The following PHF21A variants were observed in gnomAD, a reference collection of about 807,000 sequenced individuals.
The protein encoded by PHF21A is BHC80a.
A neutral mutation model predicts 82.5 loss-of-function variants in PHF21A; 11 were observed. The observed-to-expected ratio is 0.13, with a 90% CI of 0.08 to 0.22. The LOEUF (loss-of-function observed/expected upper bound fraction) is 0.22. PHF21A is among the 10% of genes least tolerant of loss of function. The probability of loss-of-function intolerance (pLI) is 1.00; values close to 1 mark genes in which losing one functional copy is unlikely to be tolerated. For missense variants in PHF21A, 579 were observed against 837.8 expected (o/e 0.69, Z 3.81); for synonymous variants, 297 against 302.8 (o/e 0.98, Z 0.20).
intron 6 of PHF21A, among the ~76,000 whole-genome samples, chr11:45,984,033 T>C (rs1403164102): frequency 6.6e-6 from 1 of 152,186 alleles, no homozygotes; most frequent in African/African-American, 2.4e-5. Context: ...TCACATATAA[T>C]GGAGATCTTT....
Position 45,936,504 on chromosome 11 carries a change from G to A in PHF21A, c.1674C>T (p.Ala558=). Residue 558 remains alanine (A), a synonymous_variant, in exon 17 of 19, where the codon GCC becomes GCT. Transcript: ENST00000676320. ...GTLAIVHSYI[A]YKAAKEEEKQ... The stretch of plus-strand genomic sequence containing the variant: ...TGGATAACTCCTTACCTGCTTTGTA[G>A]GCAATATAGGAATGAACAATTGCTA... 6.2e-7 allele frequency: 1 copy of A among 1,607,650 alleles called. No homozygotes were observed. Among genetic ancestry groups the A allele is most frequent in the Non-Finnish European group, 8.5e-7 (1 of 1,174,452 alleles).
In PHF21A at chr11:45,953,567, G is replaced by A; in HGVS notation, c.1055C>T (p.Pro352Leu). ...CCGTTTTGGTTTGGGTGCAGCAGGT[G>A]GGGTGATGGTGCGGCTCTCTGTTTG... is the stretch of plus-strand genomic sequence containing the variant. Reference protein sequence around the residue: ...EKQTESRTITPPAAPKPKREE... With the variant: ...EKQTESRTITLPAAPKPKREE... The change falls in exon 11 of 19, where the codon CCA becomes CTA. Residue 352 changes from proline to leucine, a missense_variant. Around this residue, in one of 3 missense-constraint regions of PHF21A, gnomAD observed 410 missense variants for 642.1 expected, o/e 0.64. Transcript: ENST00000676320. 10 of 1,613,906 alleles carry A rather than the reference G, an allele frequency of 6.2e-6. No homozygotes were observed. Among genetic ancestry groups the A allele is most frequent in the South Asian group, 1.1e-5 (1 of 91,068 alleles).
intron 11 of PHF21A, among the ~76,000 whole-genome samples, chr11:45,953,050 T>C (rs1050820812): frequency 4.6e-5 from 7 of 152,230 alleles, no homozygotes; most frequent in African/African-American, 1.7e-4. Flanking sequence ...AGCTACTGAT[T>C]CATTTGGGGT....
chr11:46,105,478 C>A (rs1261195783), intron 1 of PHF21A, among the ~76,000 whole-genome samples: 1 of 152,068 alleles, frequency 6.6e-6, no homozygotes, highest in African/African-American at 2.4e-5. Context: ...ACACTCAGAC[C>A]CACACTAACC....
intron 6 of PHF21A, among the ~76,000 whole-genome samples, chr11:46,020,680 G>C (rs1231382276): frequency 1.3e-5 from 2 of 151,898 alleles, no homozygotes; most frequent in Non-Finnish European, 2.9e-5. Flanking sequence ...TTATCTTTTG[G>C]GGCCTGCACC....
At chr11:46,015,711 C>T (rs966035282) in intron 6 of PHF21A, among the ~76,000 whole-genome samples, 1 of 152,148 alleles carries the variant, frequency 6.6e-6, no homozygotes, top group Non-Finnish European at 1.5e-5. Context: ...CAAACACACA[C>T]ATTAGCCTAG....
intron 6 of PHF21A, among the ~76,000 whole-genome samples, chr11:46,003,283 CA>C (rs201895719): frequency 0.15 from 20,881 of 140,382 alleles, 1,883 homozygotes; most frequent in African/African-American, 0.28. Context: ...GGCTAACATT[CA>C]AAAAAAAAAA....
intron 6 of PHF21A, among the ~76,000 whole-genome samples, chr11:45,981,965 T>TTTTTTTTTTTTTTTTA (rs2094313956): frequency 8.0e-6 from 1 of 125,196 alleles, no homozygotes; most frequent in Non-Finnish European, 1.6e-5. Flanking sequence ...TTTTTTTTTT[T>TTTTTTTTTTTTTTTTA]GGTTGTTTTG....
chr11:45,984,612 G>A (rs949441079), intron 6 of PHF21A, among the ~76,000 whole-genome samples: 13 of 152,144 alleles, frequency 8.5e-5, no homozygotes, highest in Admixed American at 2.0e-4. Flanking sequence ...TTTAAGTCAC[G>A]TTCCATGGCT....
At position 45,945,888 on chromosome 11, in the gene PHF21A, G is replaced by C. The variant is rs1398570304; in HGVS notation, c.1404C>G (p.Phe468Leu). Reference sequence around the variant, plus strand: ...GGGACACAGGCTGAACAGGTGCAGGGAAAGTGAATGTGGTCTCTGTCTTTT... The same window carrying C: ...GGGACACAGGCTGAACAGGTGCAGGCAAAGTGAATGTGGTCTCTGTCTTTT... ...ENEKTETTFT[F>L]PAPVQPVSLP... The change falls in exon 15 of 19, where the codon TTC becomes TTG. Residue 468 changes from phenylalanine (F) to leucine (L), a missense_variant. By Grantham distance (22) the Phe-to-Leu change is conservative. Around this residue, in one of 3 missense-constraint regions of PHF21A, gnomAD observed 410 missense variants for 642.1 expected, o/e 0.64. Transcript: ENST00000676320. 6.2e-7 allele frequency: 1 copy of C among 1,610,342 alleles called. No individual in the cohort carries two copies. Among genetic ancestry groups the C allele is most frequent in the Non-Finnish European group, 8.5e-7 (1 of 1,178,178 alleles).
intron 6 of PHF21A, among the ~76,000 whole-genome samples, chr11:46,043,564 G>C (rs189189230): frequency 6.6e-6 from 1 of 151,836 alleles, no homozygotes; most frequent in African/African-American, 2.4e-5. Flanking sequence ...TGATAAAGAC[G>C]AGCTCTGCCA....
intron 6 of PHF21A, among the ~76,000 whole-genome samples, chr11:46,069,808 G>A (rs959980389): frequency 6.6e-6 from 1 of 152,126 alleles, no homozygotes; most frequent in Non-Finnish European, 1.5e-5. Flanking sequence ...AATGTTAAAT[G>A]TTCTAAGCTT....
chr11:46,110,673 C>T (rs1199972649), intron 1 of PHF21A, among the ~76,000 whole-genome samples: 1 of 152,060 alleles, frequency 6.6e-6, no homozygotes, highest in Non-Finnish European at 1.5e-5. Context: ...CTTGAAAAGA[C>T]AAATTGATGT....
chr11:45,991,375 T>C (rs1433314578), intron 6 of PHF21A, among the ~76,000 whole-genome samples: 3 of 152,176 alleles, frequency 2.0e-5, no homozygotes, highest in African/African-American at 2.4e-5. Flanking sequence ...GGTAGAACAA[T>C]GAGGCTCTGA....
rs2093736552 is a variant in PHF21A at position 45,971,435 on chromosome 11, A to G, written c.361-68T>C. 3.0e-6 allele frequency: 4 copies of G among 1,352,454 alleles called. No homozygotes were observed. The East Asian group carries it at 9.3e-5, about 32-fold the overall frequency. 83.8% of individuals were successfully genotyped at this position (1,352,454 alleles called of 1,614,324 possible). On this transcript the variant is annotated intron_variant, in intron 7 of 18. Transcript: ENST00000676320. ...CTAAATAATAAACTAAATCCCACTA[A>G]ACAATATGCTGCTTAACCTTGGAAG...
At chr11:46,057,026 GA>G (rs2096467209) in intron 6 of PHF21A, among the ~76,000 whole-genome samples, 1 of 151,696 alleles carries the variant, frequency 6.6e-6, no homozygotes, top group South Asian at 2.1e-4. Flanking sequence ...AGTAAGTGCC[GA>G]AAAAATTAAA....
Position 45,947,130 on chromosome 11 carries a change from GTA to G in PHF21A, c.1289-1129_1289-1128del, listed in dbSNP as rs771093415. 7.2e-5 allele frequency among the ~76,000 whole-genome samples: 11 copies of G among 152,156 alleles called. No homozygotes were observed. In the East Asian group the frequency reaches 7.7e-4, roughly 11 times the overall value. On this transcript the variant is annotated intron_variant, in intron 14 of 18. Coordinates refer to ENST00000676320, the MANE Select transcript of PHF21A (RefSeq NM_001352027.3). Reference sequence around the variant, plus strand: ...CTCCTAACTGAGAGACCTGATTTGTGTAAGAGCATTTTGACTCAAACTTCAAG... The same window carrying G: ...CTCCTAACTGAGAGACCTGATTTGTGAGAGCATTTTGACTCAAACTTCAAG...
intron 6 of PHF21A, among the ~76,000 whole-genome samples, chr11:46,047,908 C>A (rs1409632507): frequency 2.0e-5 from 3 of 152,162 alleles, no homozygotes; most frequent in African/African-American, 7.2e-5. Flanking sequence ...TTCTCCTAGC[C>A]AGTACAATTT....
chr11:45,982,767 T>C (rs1008917230), intron 6 of PHF21A, among the ~76,000 whole-genome samples: 4 of 152,026 alleles, frequency 2.6e-5, no homozygotes, highest in Non-Finnish European at 5.9e-5. Context: ...TAAGAGCTCT[T>C]ACAAAACAAA....
Sources: allele counts gnomAD v4.1 joint callset (sites outside exome capture counted in the v4.1 genomes callset), GRCh38; gene constraint gnomAD v4.1.1; regional missense constraint gnomAD v4.1.1; transcripts MANE v1.5; gene names NCBI Gene and HGNC (gene_info 2026-07-23, HGNC 2026-07-21).